RPTOR: variants seen among roughly 807,000 people sequenced by gnomAD.
The protein encoded by RPTOR is regulatory associated protein of MTOR complex 1.
A neutral mutation model predicts 169.9 loss-of-function variants in RPTOR; 21 were observed. The observed-to-expected ratio is 0.12, with a 90% CI of 0.09 to 0.18. The LOEUF (loss-of-function observed/expected upper bound fraction) is 0.18. RPTOR is among the 10% of genes least tolerant of loss of function. The pLI, the probability that RPTOR is intolerant of heterozygous loss-of-function variation, is 1.00. For synonymous variants in RPTOR, 732 were observed against 753.2 expected (o/e 0.97, Z 0.46); for missense variants, 1,133 against 1,855.9 (o/e 0.61, Z 7.16).
chr17:80,798,154 C>T (rs1241336081), intron 7 of RPTOR, among the ~76,000 whole-genome samples: 1 of 152,206 alleles, frequency 6.6e-6, no homozygotes, highest in East Asian at 1.9e-4. Flanking sequence ...ACCAATGTGC[C>T]CCGGGCAAGG....
intron 20 of RPTOR, among the ~76,000 whole-genome samples, chr17:80,902,905 G>A (rs547765986): frequency 2.6e-5 from 4 of 152,382 alleles, no homozygotes; most frequent in East Asian, 1.9e-4. Flanking sequence ...GCTGAGAGGC[G>A]AGGCGGGAGT....
At chr17:80,734,334 C>T (rs1029339392) in intron 5 of RPTOR, among the ~76,000 whole-genome samples, 2 of 152,224 alleles carry the variant, frequency 1.3e-5, no homozygotes, top group Non-Finnish European at 2.9e-5. Flanking sequence ...CCGGCGTCAG[C>T]TGGCTCCCCT....
At chr17:80,576,061 T>C (rs2064960689) in intron 1 of RPTOR, among the ~76,000 whole-genome samples, 1 of 152,206 alleles carries the variant, frequency 6.6e-6, no homozygotes, top group South Asian at 2.1e-4. Context: ...TCTTGTTTAT[T>C]TGTCCTTTTA....
chr17:80,851,755 A>G (rs573276093), intron 11 of RPTOR, among the ~76,000 whole-genome samples: 1 of 152,246 alleles, frequency 6.6e-6, no homozygotes, highest in Non-Finnish European at 1.5e-5. Flanking sequence ...TAAGGAGCAC[A>G]TTCTAAGGAG....
intron 1 of RPTOR, among the ~76,000 whole-genome samples, chr17:80,596,388 C>T (rs1031460401): frequency 2.0e-5 from 3 of 152,024 alleles, no homozygotes; most frequent in African/African-American, 7.3e-5. Context: ...TTCCCCTAAT[C>T]GTTCAAAGGA....
intron 17 of RPTOR, among the ~76,000 whole-genome samples, chr17:80,889,131 C>G (rs115799060): frequency 0.014 from 2,178 of 152,332 alleles, 53 homozygotes; most frequent in African/African-American, 0.05. Flanking sequence ...GAAGAGGCAC[C>G]AGCACTTTGA....
At chr17:80,547,526 G>A (rs4622563) in intron 1 of RPTOR, among the ~76,000 whole-genome samples, 151,810 of 152,322 alleles carry the variant, frequency 1, 75,655 homozygotes, top group Non-Finnish European at 1. Context: ...GACTCTTAGT[G>A]ACTACTGAGA....
chr17:80,622,105 C>T (rs1197836008), intron 1 of RPTOR, among the ~76,000 whole-genome samples: 1 of 152,202 alleles, frequency 6.6e-6, no homozygotes, highest in Admixed American at 6.5e-5. Flanking sequence ...TGGGGAAGCA[C>T]AAGGTCTATT....
intron 1 of RPTOR, among the ~76,000 whole-genome samples, chr17:80,597,703 A>G (rs918419857): frequency 3.5e-4 from 52 of 149,830 alleles, no homozygotes; most frequent in African/African-American, 1.3e-3. Flanking sequence ...TTGTAGAGAC[A>G]AGGTCTCACT....
At chr17:80,736,946 G>C (rs1028355260) in intron 5 of RPTOR, among the ~76,000 whole-genome samples, 1 of 152,214 alleles carries the variant, frequency 6.6e-6, no homozygotes, top group Admixed American at 6.5e-5. Flanking sequence ...TTCAAGCAAT[G>C]ATTTTCATAA....
At chr17:80,849,074 A>G (rs1252080257) in intron 11 of RPTOR, among the ~76,000 whole-genome samples, 1 of 152,150 alleles carries the variant, frequency 6.6e-6, no homozygotes, top group East Asian at 1.9e-4. Flanking sequence ...ATGAAGTGTA[A>G]TGGGGTATCG....
At chr17:80,883,212 G>A (rs868277413) in intron 14 of RPTOR, among the ~76,000 whole-genome samples, 4 of 152,212 alleles carry the variant, frequency 2.6e-5, no homozygotes, top group Admixed American at 6.5e-5. Context: ...TGTTCACTCC[G>A]GGAGGCGAGC....
intron 1 of RPTOR, among the ~76,000 whole-genome samples, chr17:80,591,774 A>G (rs1376530050): frequency 1.3e-5 from 2 of 152,200 alleles, no homozygotes; most frequent in African/African-American, 4.8e-5. Context: ...GCAGTGCACA[A>G]ACAGAAACAT....
chr17:80,634,827 T>TGTGCGTGTGCGTACC, intron 2 of RPTOR, among the ~76,000 whole-genome samples: 3 of 143,594 alleles, frequency 2.1e-5, no homozygotes, highest in South Asian at 2.2e-4. Context: ...GTGCATACTG[T>TGTGCGTGTGCGTACC]GTGTGTGTGC....
chr17:80,681,465 C>T (rs757309443), intron 3 of RPTOR, among the ~76,000 whole-genome samples: 7 of 152,144 alleles, frequency 4.6e-5, no homozygotes, highest in African/African-American at 9.7e-5. Context: ...AGGGGCACCT[C>T]GCGCTGTGGG....
intron 6 of RPTOR, among the ~76,000 whole-genome samples, chr17:80,755,347 T>A (rs1223275674): frequency 6.6e-6 from 1 of 152,140 alleles, no homozygotes; most frequent in Non-Finnish European, 1.5e-5. Flanking sequence ...ACACCTGTAA[T>A]CCTAGCACTT....
chr17:80,570,713 G>A (rs1028170095), intron 1 of RPTOR, among the ~76,000 whole-genome samples: 3 of 151,964 alleles, frequency 2.0e-5, no homozygotes, highest in African/African-American at 2.4e-5. Context: ...TGCCTGCCTC[G>A]GCCTCCCAAA....
intron 17 of RPTOR, among the ~76,000 whole-genome samples, chr17:80,889,975 A>C (rs2672882): frequency 3.1e-5 from 1 of 32,400 alleles, no homozygotes; most frequent in Admixed American, 2.9e-4. Flanking sequence ...GCCCCCGTAC[A>C]CAGCAGGATG....
intron 28 of RPTOR, among the ~76,000 whole-genome samples, chr17:80,949,977 G>A (rs886138859): frequency 2.6e-5 from 4 of 152,248 alleles, no homozygotes; most frequent in South Asian, 2.1e-4. Context: ...TCACGCGCTC[G>A]CTGGCATGCC....
Sources: gnomAD v4.1 joint callset for allele counts (sites outside exome capture counted in the v4.1 genomes callset) on GRCh38, gnomAD v4.1.1 for gene constraint, MANE v1.5 for transcripts, NCBI Gene and HGNC (gene_info 2026-07-23, HGNC 2026-07-21) for gene names.